RTN1: variants seen among roughly 807,000 people sequenced by gnomAD.
RTN1 encodes reticulon 1.
Under a neutral mutation model 65.5 loss-of-function variants are expected in RTN1, and 25 were observed. The ratio of observed to expected loss-of-function variants is 0.38; its 90% confidence interval spans 0.28 to 0.53. The LOEUF is 0.53. Ranked by LOEUF, RTN1 falls within the 20% of genes least tolerant of loss-of-function variation. The pLI, the probability that RTN1 is intolerant of heterozygous loss-of-function variation, is 0.79. For synonymous variants in RTN1, 471 were observed against 447.6 expected, an observed-to-expected ratio of 1.05 and a Z score of -0.66; for missense variants, 983 against 1,025.4, an observed-to-expected ratio of 0.96 and a Z score of 0.57.
chr14:59,813,987 C>A (rs1220509634), intron 1 of RTN1, among the ~76,000 whole-genome samples: 1 of 152,096 alleles, frequency 6.6e-6, no homozygotes, highest in Non-Finnish European at 1.5e-5. Context: ...TTATCAGAAA[C>A]ACTTTAGAGA....
intron 2 of RTN1, among the ~76,000 whole-genome samples, chr14:59,728,136 A>T (rs952422801): frequency 2.0e-5 from 3 of 151,718 alleles, no homozygotes; most frequent in African/African-American, 7.3e-5. Context: ...ATCACCCATT[A>T]TTCCTCGTCC....
chr14:59,746,888 G>T (rs867373961), intron 1 of RTN1, among the ~76,000 whole-genome samples: 1 of 152,182 alleles, frequency 6.6e-6, no homozygotes, highest in Admixed American at 6.5e-5. Context: ...CCTCAGGATT[G>T]TAACTGCAAC....
At chr14:59,811,317 A>G (rs779590758) in intron 1 of RTN1, among the ~76,000 whole-genome samples, 3 of 152,196 alleles carry the variant, frequency 2.0e-5, no homozygotes, top group Admixed American at 1.3e-4. Flanking sequence ...AACACAAGCA[A>G]ATGACCCCAA....
chr14:59,739,316 T>C (rs1885066987), intron 2 of RTN1, among the ~76,000 whole-genome samples: 2 of 151,528 alleles, frequency 1.3e-5, no homozygotes. Flanking sequence ...AGGCCAGGAG[T>C]TCGGGGAGGC....
chr14:59,742,079 T>A (rs1370810856), intron 2 of RTN1, among the ~76,000 whole-genome samples: 1 of 152,222 alleles, frequency 6.6e-6, no homozygotes, highest in Non-Finnish European at 1.5e-5. Context: ...GCATGTCTGA[T>A]GTATAGAAGT....
intron 3 of RTN1, among the ~76,000 whole-genome samples, chr14:59,666,154 C>T (rs770324739): frequency 1.3e-4 from 20 of 152,188 alleles, no homozygotes; most frequent in Non-Finnish European, 2.4e-4. Context: ...CTCAGCATCA[C>T]ATCACACTTA....
chr14:59,667,015 A>AATTCTAC (rs1392011602), intron 3 of RTN1, among the ~76,000 whole-genome samples: 1 of 150,822 alleles, frequency 6.6e-6, no homozygotes, highest in Non-Finnish European at 1.5e-5. Context: ...TTCACAGCTG[A>AATTCTAC]ATTCTACCAG....
intron 3 of RTN1, among the ~76,000 whole-genome samples, chr14:59,671,240 T>TAA (rs912937566): frequency 8.5e-5 from 13 of 152,172 alleles, no homozygotes; most frequent in African/African-American, 3.1e-4. Context: ...TTTGAGCATT[T>TAA]AAAAAAATTA....
rs565366463 is a variant in RTN1 at position 59,759,003 on chromosome 14, G to C, written c.242-12522C>G. Among the ~76,000 whole-genome samples, 11 of 152,298 alleles carry C rather than the reference G, an allele frequency of 7.2e-5. No individual in the cohort carries two copies. In the South Asian group the frequency reaches 1.9e-3, roughly 26 times the overall value. On this transcript the variant is annotated intron_variant, in intron 1 of 8. Coordinates refer to ENST00000267484, the MANE Select transcript of RTN1 (RefSeq NM_021136.3). ...TGTAAATGGAAGTTCAGGTGCCCTTGGATGCAGTAGAAGTGATGCTGGGTG... is the reference window on the plus strand; with the variant it reads ...TGTAAATGGAAGTTCAGGTGCCCTTCGATGCAGTAGAAGTGATGCTGGGTG...
At chr14:59,800,275 C>T (rs1461804934) in intron 1 of RTN1, among the ~76,000 whole-genome samples, 1 of 152,224 alleles carries the variant, frequency 6.6e-6, no homozygotes, top group Non-Finnish European at 1.5e-5. Flanking sequence ...AACAGCCTTA[C>T]ATAAGATTAG....
At chr14:59,705,824 G>T (rs1164900830) in intron 3 of RTN1, among the ~76,000 whole-genome samples, 1 of 152,142 alleles carries the variant, frequency 6.6e-6, no homozygotes, top group African/African-American at 2.4e-5. Flanking sequence ...CTTCTGTTGG[G>T]GCTCAGAAAA....
chr14:59,749,589 A>ATATATT (rs1399758413), intron 1 of RTN1, among the ~76,000 whole-genome samples: 1 of 64,684 alleles, frequency 1.5e-5, no homozygotes, highest in African/African-American at 1.2e-4. Flanking sequence ...ATAGATATTT[A>ATATATT]TATATATATC....
chr14:59,708,002 C>CA lies in RTN1; in HGVS notation c.1765+18916dup, dbSNP rs1884335455. Among the ~76,000 whole-genome samples the CA allele has an allele frequency of 3.3e-5, 5 of 152,322 alleles. No individual in the cohort carries two copies. In the South Asian group the frequency reaches 1.0e-3, roughly 32 times the overall value. On this transcript the variant is annotated intron_variant, in intron 3 of 8. Transcript: ENST00000267484. ...AGATGGCACTAAAATATTAAACTAA[C>CA]ATTTCCTTATGCTCCAAGCTGAGCT...
At chr14:59,750,091 ATAT>A (rs1352858668) in intron 1 of RTN1, among the ~76,000 whole-genome samples, 6 of 57,882 alleles carry the variant, frequency 1.0e-4, no homozygotes, top group Admixed American at 3.2e-4. Context: ...ATAGACATAT[ATAT>A]TATATATTAT....
chr14:59,740,072 G>A (rs1199008342), intron 2 of RTN1, among the ~76,000 whole-genome samples: 1 of 152,194 alleles, frequency 6.6e-6, no homozygotes, highest in Admixed American at 6.5e-5. Context: ...TGTATTTGCT[G>A]TGTGATGATT....
At chr14:59,716,104 T>C (rs963919576) in intron 3 of RTN1, among the ~76,000 whole-genome samples, 2 of 152,232 alleles carry the variant, frequency 1.3e-5, no homozygotes, top group African/African-American at 2.4e-5. Context: ...CTATATTATA[T>C]AGCATTATAA....
chr14:59,858,903 A>G (rs961343345), intron 1 of RTN1, among the ~76,000 whole-genome samples: 2 of 152,228 alleles, frequency 1.3e-5, no homozygotes, highest in African/African-American at 4.8e-5. Flanking sequence ...AAAAAGAATA[A>G]AAGAGATACT....
chr14:59,634,017 G>A (rs568712373), intron 3 of RTN1, among the ~76,000 whole-genome samples: 21 of 152,144 alleles, frequency 1.4e-4, no homozygotes, highest in African/African-American at 1.7e-4. Context: ...TACTTTATAC[G>A]CTGGTGTTTA....
intron 1 of RTN1, among the ~76,000 whole-genome samples, chr14:59,749,499 ATC>A (rs1885358601): frequency 1.4e-5 from 1 of 73,758 alleles, no homozygotes; most frequent in Non-Finnish European, 2.2e-5. Flanking sequence ...ATCTATATAT[ATC>A]TATATATAGA....
Sources: gnomAD v4.1 joint callset for allele counts (sites outside exome capture counted in the v4.1 genomes callset) on GRCh38, gnomAD v4.1.1 for gene constraint, MANE v1.5 for transcripts, NCBI Gene and HGNC (gene_info 2026-07-23, HGNC 2026-07-21) for gene names.